TACC2: variants seen among roughly 807,000 people sequenced by gnomAD.
The protein encoded by TACC2 is transforming acidic coiled-coil containing protein 2.
Under a neutral mutation model 227.3 loss-of-function variants are expected in TACC2, and 137 were observed. That is an observed-to-expected ratio of 0.60 (90% confidence interval 0.52 to 0.69). TACC2 has a LOEUF of 0.69. TACC2 is among the 30% of genes least tolerant of loss of function. The pLI, the probability that TACC2 is intolerant of heterozygous loss-of-function variation, is 0.00. For missense variants in TACC2, 3,470 were observed against 3,694.4 expected (o/e 0.94, Z 1.57); for synonymous variants, 1,523 against 1,487.5 (o/e 1.02, Z -0.55).
Position 122,088,480 on chromosome 10 carries a change from A to G in TACC2, c.5462A>G (p.Glu1821Gly). Residue 1821 changes from glutamate (E) to glycine (G), a missense_variant and splice_region_variant, in exon 5 of 23, where the codon GAG (glutamate) becomes GGG (glycine). Glu to Gly is a moderately conservative substitution (Grantham distance 98). This residue lies in a region of TACC2 where 1,924 missense variants were observed against 1,978.3 expected (regional missense o/e 0.97). Coordinates refer to ENST00000369005, the MANE Select transcript of TACC2 (RefSeq NM_206862.4). The stretch of plus-strand genomic sequence containing the variant: ...ATTGCTTTCTTTTATTATCCCAGAG[A>G]GAGCCCCAGGCCTGGCCCATCCATG... ...LAPEELHTDR[E>G]SPRPGPSMLP... The G allele has an allele frequency of 6.2e-7, 1 of 1,611,584 alleles. No homozygotes were observed. Among genetic ancestry groups the G allele is most frequent in the African/African-American group, 1.3e-5 (1 of 74,940 alleles).
intron 1 of TACC2, among the ~76,000 whole-genome samples, chr10:122,018,390 C>T (rs1298293677): frequency 6.6e-6 from 1 of 152,170 alleles, no homozygotes; most frequent in Non-Finnish European, 1.5e-5. Context: ...TGTAAAACTT[C>T]GGGTGAAATT....
intron 9 of TACC2, among the ~76,000 whole-genome samples, chr10:122,213,760 G>A (rs2095344946): frequency 1.3e-5 from 2 of 152,084 alleles, no homozygotes; most frequent in African/African-American, 4.8e-5. Flanking sequence ...GTGGCTTCAC[G>A]TTAAAATAAC....
intron 1 of TACC2, among the ~76,000 whole-genome samples, chr10:122,007,298 C>A (rs897699488): frequency 1.3e-5 from 2 of 152,068 alleles, no homozygotes; most frequent in Admixed American, 6.5e-5. Context: ...AATTGACAAT[C>A]TTTTTATTCC....
intron 2 of TACC2, among the ~76,000 whole-genome samples, chr10:122,025,579 T>A (rs10887049): frequency 0.024 from 2,858 of 120,352 alleles, 77 homozygotes; most frequent in African/African-American, 0.084. Flanking sequence ...TTATTTATTT[T>A]ATTTTTTTTT....
At chr10:122,191,068 A>C (rs955586340) in intron 7 of TACC2, among the ~76,000 whole-genome samples, 4 of 151,964 alleles carry the variant, frequency 2.6e-5, no homozygotes, top group Admixed American at 1.3e-4. Flanking sequence ...TTGCACCTCT[A>C]ATGCCTAATT....
chr10:122,241,702 GC>G, intron 18 of TACC2: 4 of 545,960 alleles, frequency 7.3e-6, no homozygotes, highest in Non-Finnish European at 9.9e-6. Context: ...ACCTGGGACT[GC>G]AGGCATGCAC....
At chr10:122,154,887 G>A (rs770600934) in intron 7 of TACC2, among the ~76,000 whole-genome samples, 11 of 152,180 alleles carry the variant, frequency 7.2e-5, no homozygotes, top group Non-Finnish European at 1.5e-4. Context: ...TTTCTGGCCC[G>A]GCTTTCTGGA....
At chr10:122,112,375 G>A (rs2083760930) in intron 5 of TACC2, among the ~76,000 whole-genome samples, 1 of 152,186 alleles carries the variant, frequency 6.6e-6, no homozygotes, top group Non-Finnish European at 1.5e-5. Flanking sequence ...TAGAAATATG[G>A]CAGCTGGAAT....
intron 7 of TACC2, among the ~76,000 whole-genome samples, chr10:122,167,474 A>G (rs2093239953): frequency 6.6e-6 from 1 of 152,252 alleles, no homozygotes; most frequent in East Asian, 1.9e-4. Flanking sequence ...GGGGAAGTTG[A>G]TGAGTTGGCT....
chr10:122,044,535 C>T (rs1336435572), intron 2 of TACC2, among the ~76,000 whole-genome samples: 1 of 152,140 alleles, frequency 6.6e-6, no homozygotes, highest in East Asian at 1.9e-4. Flanking sequence ...CAAGCTGCTC[C>T]CAAGGAGCTC....
At chr10:122,042,519 A>G (rs1200369987) in intron 2 of TACC2, among the ~76,000 whole-genome samples, 7 of 152,202 alleles carry the variant, frequency 4.6e-5, no homozygotes, top group Non-Finnish European at 7.3e-5. Flanking sequence ...CTGGAATTAC[A>G]TGCTTGAGCC....
chr10:122,050,906 G>T lies in TACC2; in HGVS notation c.146+356G>T. 1 of 212,972 alleles carries T rather than the reference G, an allele frequency of 4.7e-6. No individual in the cohort carries two copies. Among genetic ancestry groups the T allele is most frequent in the Non-Finnish European group, 9.4e-6 (1 of 106,712 alleles). 13.2% of individuals were successfully genotyped at this position (212,972 alleles called of 1,614,324 possible). ...GTGGCTAAGTGGAGTCTGTAACTCA[G>T]TGTGGTGGCCATTGCGGGCACTGGA... On this transcript the variant is annotated intron_variant, in intron 3 of 22. Coordinates refer to ENST00000369005, the MANE Select transcript of TACC2 (RefSeq NM_206862.4). The surrounding 1 kb of genome is among the most constrained non-coding windows in gnomAD (Gnocchi z 4.6).
At chr10:122,222,955 G>C (rs1325591954) in intron 11 of TACC2, among the ~76,000 whole-genome samples, 1 of 151,930 alleles carries the variant, frequency 6.6e-6, no homozygotes, top group African/African-American at 2.4e-5. Flanking sequence ...GATAGTCCCA[G>C]AGTTTTATAC....
At chr10:122,103,229 G>C (rs1202333050) in intron 5 of TACC2, among the ~76,000 whole-genome samples, 1 of 152,150 alleles carries the variant, frequency 6.6e-6, no homozygotes, top group African/African-American at 2.4e-5. Flanking sequence ...GAGTATATAA[G>C]AAATAACCCA....
At chr10:122,191,974 G>C (rs1337931691) in intron 7 of TACC2, among the ~76,000 whole-genome samples, 1 of 152,144 alleles carries the variant, frequency 6.6e-6, no homozygotes, top group Non-Finnish European at 1.5e-5. Flanking sequence ...GACTCGTTGG[G>C]GGTGGACTGC....
chr10:122,210,478 A>G lies in TACC2; in HGVS notation c.6053A>G (p.His2018Arg). The change falls in exon 9 of 23, where the codon CAC (histidine) becomes CGC (arginine). Residue 2018 changes from histidine to arginine, a missense_variant. Coordinates refer to ENST00000369005, the MANE Select transcript of TACC2 (RefSeq NM_206862.4). This position sits in a 1 kb window ranked among gnomAD's most constrained non-coding sequence, Gnocchi z 4.6. ...GGAAGTCCCTTCCGTCCCCCGTCAC[A>G]CTCCTTCTCTGCCGTCTTCGATGAA... ...VEGSPFRPPS[H>R]SFSAVFDEDK... 1.9e-6 allele frequency: 3 copies of G among 1,612,782 alleles called. No individual in the cohort carries two copies. Among genetic ancestry groups the G allele is most frequent in the Non-Finnish European group, 2.5e-6 (3 of 1,179,790 alleles).
At chr10:122,121,606 G>A (rs1002108900) in intron 5 of TACC2, among the ~76,000 whole-genome samples, 1 of 152,188 alleles carries the variant, frequency 6.6e-6, no homozygotes, top group African/African-American at 2.4e-5. Context: ...AAAAAATTTG[G>A]CTTCAAAATG....
At position 122,031,856 on chromosome 10, in the gene TACC2, C is replaced by T. The variant is rs185172288; in HGVS notation, c.33+9842C>T. ...AGTAGCTGGGATTACAGGTGTGTGC[C>T]GCCACACCTGGCTAATTTTTGTACT... On this transcript the variant is annotated intron_variant, in intron 2 of 22. Transcript: ENST00000369005. Among the ~76,000 whole-genome samples, 8 of 152,206 alleles carry T rather than the reference C, an allele frequency of 5.3e-5. No homozygotes were observed. In the East Asian group the frequency reaches 7.8e-4, roughly 15 times the overall value.
At chr10:122,203,646 C>T (rs1333119746) in intron 8 of TACC2, among the ~76,000 whole-genome samples, 3 of 151,648 alleles carry the variant, frequency 2.0e-5, no homozygotes, top group African/African-American at 4.9e-5. Flanking sequence ...GGATGGCGGC[C>T]GGGAAGAGAC....
Sources: allele counts gnomAD v4.1 joint callset (sites outside exome capture counted in the v4.1 genomes callset), GRCh38; gene constraint gnomAD v4.1.1; regional missense constraint gnomAD v4.1.1; non-coding constraint Gnocchi (gnomAD v3.1); transcripts MANE v1.5; gene names NCBI Gene and HGNC (gene_info 2026-07-23, HGNC 2026-07-21).